NTM: variants seen among roughly 807,000 people sequenced by gnomAD.
NTM encodes the protein neurotrimin, also known as IgLON family member 2.
Under a neutral mutation model 42.1 loss-of-function variants are expected in NTM, and 13 were observed. That is an observed-to-expected ratio of 0.31 (90% CI 0.20 to 0.49). The LOEUF is 0.49. NTM is among the 20% of genes least tolerant of loss of function. The pLI, the probability that NTM is intolerant of heterozygous loss-of-function variation, is 0.99. For synonymous variants in NTM, 187 were observed against 179.2 expected (o/e 1.04, Z -0.35); for missense variants, 373 against 452.8 (o/e 0.82, Z 1.60).
At chr11:131,857,134 C>T (rs1294572740) in intron 1 of NTM, among the ~76,000 whole-genome samples, 2 of 152,164 alleles carry the variant, frequency 1.3e-5, no homozygotes, top group Admixed American at 6.5e-5. Flanking sequence ...GTCACCATCT[C>T]CTGGGACACA....
intron 1 of NTM, among the ~76,000 whole-genome samples, chr11:131,837,120 A>G (rs1203870261): frequency 6.6e-6 from 1 of 152,246 alleles, no homozygotes; most frequent in Non-Finnish European, 1.5e-5. Context: ...ATACGTATTA[A>G]CATAAAAACT....
chr11:131,873,662 T>TATAC (rs1565658279), intron 1 of NTM, among the ~76,000 whole-genome samples: 1 of 117,760 alleles, frequency 8.5e-6, no homozygotes, highest in African/African-American at 3.3e-5. Flanking sequence ...CACATATATA[T>TATAC]ACACATATAT....
At chr11:131,445,423 G>A (rs1403649415) in intron 1 of NTM, among the ~76,000 whole-genome samples, 1 of 152,232 alleles carries the variant, frequency 6.6e-6, no homozygotes, top group African/African-American at 2.4e-5. Context: ...TTTAGTTGAA[G>A]AGATGAGGTG....
chr11:131,860,505 G>A (rs999219375), intron 1 of NTM, among the ~76,000 whole-genome samples: 9 of 152,170 alleles, frequency 5.9e-5, no homozygotes, highest in Admixed American at 1.3e-4. Flanking sequence ...TTAACTGGAC[G>A]CTGGTCATAT....
intron 1 of NTM, among the ~76,000 whole-genome samples, chr11:131,736,721 T>C (rs2080498767): frequency 6.6e-6 from 1 of 152,132 alleles, no homozygotes; most frequent in Admixed American, 6.5e-5. Context: ...AACTCAACTT[T>C]GGTAAAAATA....
intron 1 of NTM, among the ~76,000 whole-genome samples, chr11:131,752,817 G>A (rs927910751): frequency 1.3e-5 from 2 of 152,088 alleles, no homozygotes; most frequent in South Asian, 2.1e-4. Context: ...TACCATTCAG[G>A]GCATAGGCAT....
At chr11:132,059,107 T>C (rs1351835903) in intron 2 of NTM, among the ~76,000 whole-genome samples, 1 of 152,242 alleles carries the variant, frequency 6.6e-6, no homozygotes, top group Non-Finnish European at 1.5e-5. Context: ...CCTTCTTCCA[T>C]TCCTGCCTTG....
chr11:131,569,805 T>G (rs1366728936), intron 1 of NTM, among the ~76,000 whole-genome samples: 3 of 152,202 alleles, frequency 2.0e-5, no homozygotes, highest in Non-Finnish European at 4.4e-5. Context: ...GGTTTCAAAC[T>G]CTTGGCCTCA....
intron 2 of NTM, among the ~76,000 whole-genome samples, chr11:132,016,477 T>G (rs1037916780): frequency 2.0e-5 from 3 of 151,996 alleles, no homozygotes; most frequent in Non-Finnish European, 2.9e-5. Context: ...TGTTTTTCAT[T>G]TTCCTTCTTA....
At chr11:131,651,772 C>G (rs192977016) in intron 1 of NTM, among the ~76,000 whole-genome samples, 1 of 151,834 alleles carries the variant, frequency 6.6e-6, no homozygotes, top group African/African-American at 2.4e-5. Flanking sequence ...ACGCAGGAGG[C>G]GGAGGCTGCA....
intron 1 of NTM, among the ~76,000 whole-genome samples, chr11:131,865,892 ATTCACACATG>A (rs2047110253): frequency 8.0e-6 from 1 of 125,028 alleles, no homozygotes; most frequent in Admixed American, 7.8e-5. Flanking sequence ...CACCTCCCAC[ATTCACACATG>A]CTACATACAC....
At chr11:131,760,144 G>A (rs1263966833) in intron 1 of NTM, among the ~76,000 whole-genome samples, 1 of 152,188 alleles carries the variant, frequency 6.6e-6, no homozygotes, top group Non-Finnish European at 1.5e-5. Flanking sequence ...TTGGAATTCA[G>A]CAAGGAGTTA....
chr11:131,379,325 A>G (rs1942362802), intron 1 of NTM, among the ~76,000 whole-genome samples: 1 of 152,204 alleles, frequency 6.6e-6, no homozygotes, highest in Non-Finnish European at 1.5e-5. Context: ...TTTCAGGAAG[A>G]CAGGAGGATG....
chr11:132,253,801 T>A (rs1591550132), intron 4 of NTM, among the ~76,000 whole-genome samples: 1 of 152,256 alleles, frequency 6.6e-6, no homozygotes, highest in African/African-American at 2.4e-5. Context: ...ATTTGCAGTG[T>A]GAAGATGATA....
intron 1 of NTM, among the ~76,000 whole-genome samples, chr11:131,493,898 A>G (rs1251926530): frequency 1.3e-5 from 2 of 152,156 alleles, no homozygotes; most frequent in African/African-American, 4.8e-5. Flanking sequence ...TAGCCAGCCT[A>G]TGTTTTTCTC....
intron 4 of NTM, among the ~76,000 whole-genome samples, chr11:132,217,358 CTGTGTGTGTG>C (rs375759515): frequency 1.8e-4 from 25 of 142,746 alleles, no homozygotes; most frequent in South Asian, 4.8e-4. Flanking sequence ...CTCTCTCTTT[CTGTGTGTGTG>C]TGTGTGTGTG....
intron 4 of NTM, among the ~76,000 whole-genome samples, chr11:132,299,610 G>A (rs771614907): frequency 1.6e-4 from 24 of 152,122 alleles, no homozygotes; most frequent in Non-Finnish European, 3.5e-4. Flanking sequence ...GCTCACAAGC[G>A]GCCAGCATGG....
intron 1 of NTM, among the ~76,000 whole-genome samples, chr11:131,547,644 C>G (rs2054116253): frequency 6.6e-6 from 1 of 152,152 alleles, no homozygotes; most frequent in African/African-American, 2.4e-5. Context: ...AGGTGAATGT[C>G]TGGTCCTGTT....
chr11:132,098,050 A>G (rs1418553087), intron 2 of NTM, among the ~76,000 whole-genome samples: 1 of 152,228 alleles, frequency 6.6e-6, no homozygotes, highest in East Asian at 1.9e-4. Flanking sequence ...ATATCCATTG[A>G]TCCTGCTAGA....
Sources: allele counts gnomAD v4.1 joint callset (sites outside exome capture counted in the v4.1 genomes callset), GRCh38; gene constraint gnomAD v4.1.1; transcripts MANE v1.5; gene names NCBI Gene and HGNC (gene_info 2026-07-23, HGNC 2026-07-21).